The following MICAL2 variants were observed in gnomAD, a reference collection of about 807,000 sequenced individuals.
MICAL2 encodes the protein [F-actin]-monooxygenase MICAL2.
MICAL2 carries 77 observed loss-of-function variants against 127.3 expected under a neutral mutation model. That is an observed-to-expected ratio of 0.60 (90% CI 0.50 to 0.73). The LOEUF is 0.73. Ranked by LOEUF, MICAL2 falls within the 30% of genes least tolerant of loss-of-function variation. The pLI is 0.00. For missense variants in MICAL2, 1,351 were observed against 1,434.4 expected (o/e 0.94, Z 0.94); for synonymous variants, 570 against 551.1 (o/e 1.03, Z -0.48).
upstream of MICAL2, chr11:12,274,395 A>T (rs1001500070): frequency 1.3e-4 from 20 of 152,230 alleles, no homozygotes; most frequent in African/African-American, 4.6e-4. Context: ...CATTCTAGTC[A>T]TAGAAGAAAG....
At chr11:12,313,678 T>C (rs1297282311) in intron 29 of MICAL2, among the ~76,000 whole-genome samples, 1 of 152,182 alleles carries the variant, frequency 6.6e-6, no homozygotes, top group Non-Finnish European at 1.5e-5. Flanking sequence ...AATTTATTAA[T>C]AGTGTTTAGT....
At chr11:12,203,449 G>A (rs914327844) in intron 3 of MICAL2, among the ~76,000 whole-genome samples, 6 of 152,020 alleles carry the variant, frequency 3.9e-5, no homozygotes, top group Admixed American at 1.3e-4. Context: ...TATCACAGCC[G>A]TCCCAGTGGG....
chr11:12,299,742 TGC>T (rs1864025696), intron 29 of MICAL2, among the ~76,000 whole-genome samples: 1 of 152,206 alleles, frequency 6.6e-6, no homozygotes, highest in South Asian at 2.1e-4. Flanking sequence ...TTTTGCAAAA[TGC>T]ACATTTGTGT....
At chr11:12,195,897 C>T (rs1859856703) in intron 3 of MICAL2, 1 of 152,454 alleles carries the variant, frequency 6.6e-6, no homozygotes, top group African/African-American at 2.4e-5. Context: ...ATATAGGGTC[C>T]TAAGGCCTAG....
At chr11:12,180,319 C>T (rs1857284200) in intron 3 of MICAL2, among the ~76,000 whole-genome samples, 1 of 125,344 alleles carries the variant, frequency 8.0e-6, no homozygotes, top group South Asian at 2.9e-4. Flanking sequence ...CAGACTCTTG[C>T]AGTGTTTATA....
intron 3 of MICAL2, among the ~76,000 whole-genome samples, chr11:12,164,157 C>G (rs1292580635): frequency 6.6e-6 from 1 of 151,968 alleles, no homozygotes; most frequent in Non-Finnish European, 1.5e-5. Context: ...ATTTTACAAG[C>G]TTTGGTAGCT....
intron 2 of MICAL2, among the ~76,000 whole-genome samples, chr11:12,285,949 C>T (rs999809271): frequency 8.5e-5 from 13 of 152,166 alleles, no homozygotes; most frequent in South Asian, 8.3e-4. Context: ...AGATGTTCAC[C>T]GTCCCCATCC....
intron 15 of MICAL2, among the ~76,000 whole-genome samples, chr11:12,234,080 C>T (rs759645634): frequency 4.8e-4 from 73 of 152,276 alleles, no homozygotes; most frequent in Non-Finnish European, 8.8e-4. Flanking sequence ...TTGTCCCCGT[C>T]CATGTCCTTT....
chr11:12,273,484 C>G (rs886149784), upstream of MICAL2, among the ~76,000 whole-genome samples: 1 of 151,722 alleles, frequency 6.6e-6, no homozygotes. Flanking sequence ...ACACAGCAAG[C>G]ATCCACACGC....
chr11:12,262,722 TG>T (rs1270536169), intron 27 of MICAL2, 185 bp downstream of exon 27: 4 of 583,408 alleles, frequency 6.9e-6, no homozygotes, highest in Non-Finnish European at 6.1e-6. Context: ...GACCCATGCC[TG>T]TGTTCATTTC....
intron 26 of MICAL2, chr11:12,262,125 T>C (rs1863198244): frequency 3.5e-6 from 4 of 1,155,302 alleles, no homozygotes; most frequent in Non-Finnish European, 3.2e-6. Context: ...ACCTTTCTGG[T>C]GGGCAGCACC....
intron 3 of MICAL2, among the ~76,000 whole-genome samples, chr11:12,187,916 G>A (rs1423689974): frequency 6.6e-6 from 1 of 152,050 alleles, no homozygotes; most frequent in East Asian, 1.9e-4. Context: ...TCCCGGGGTG[G>A]GGTGGGGAAG....
At chr11:12,118,476 G>A (rs999468868) in intron 1 of MICAL2, among the ~76,000 whole-genome samples, 1 of 152,300 alleles carries the variant, frequency 6.6e-6, no homozygotes, top group African/African-American at 2.4e-5. Flanking sequence ...AGGATGTAAA[G>A]AGACAGGGCC....
chr11:12,137,301 T>C (rs1350164120), intron 1 of MICAL2, among the ~76,000 whole-genome samples: 1 of 151,636 alleles, frequency 6.6e-6, no homozygotes, highest in East Asian at 1.9e-4. Context: ...TAAATCAGAG[T>C]TGATGTCCAG....
chr11:12,226,465 G>A, intron 14 of MICAL2, 95 bp downstream of exon 14: 1 of 1,304,354 alleles, frequency 7.7e-7, no homozygotes, highest in Non-Finnish European at 1.1e-6. Context: ...GGTCTGTTCT[G>A]GGGCTGCCCA....
intron 1 of MICAL2, among the ~76,000 whole-genome samples, chr11:12,119,199 G>T (rs1850299957): frequency 6.6e-6 from 1 of 152,198 alleles, no homozygotes; most frequent in Non-Finnish European, 1.5e-5. Flanking sequence ...CGCCTGGAGA[G>T]TGCTGTGGGC....
chr11:12,294,817 T>TCCC (rs765871343), downstream of MICAL2: 19 of 1,507,542 alleles, frequency 1.3e-5, no homozygotes, highest in African/African-American at 2.7e-4. Flanking sequence ...CTCCTCCTCC[T>TCCC]CCTCCTCCTC....
chr11:12,256,162 G>A (rs1862299313), intron 23 of MICAL2: 1 of 169,288 alleles, frequency 5.9e-6, no homozygotes, highest in Non-Finnish European at 1.3e-5. Context: ...TCTCTAAACT[G>A]GGCTGCTCGC....
chr11:12,165,761 A>G (rs970202468), intron 3 of MICAL2, among the ~76,000 whole-genome samples: 1 of 152,210 alleles, frequency 6.6e-6, no homozygotes, highest in Admixed American at 6.5e-5. Context: ...GGGGACCAGG[A>G]TCTATTTGGA....
Sources: allele counts gnomAD v4.1 joint callset (sites outside exome capture counted in the v4.1 genomes callset), GRCh38; gene constraint gnomAD v4.1.1; transcripts MANE v1.5; gene names NCBI Gene and HGNC (gene_info 2026-07-23, HGNC 2026-07-21).